Variants in ABCB6 observed in about 807,000 individuals in gnomAD.
ABCB6 encodes the protein ATP binding cassette subfamily B member 6 (LAN blood group), also known as ATP-binding cassette sub-family B member 6.
A neutral mutation model predicts 99.4 loss-of-function variants in ABCB6; 87 were observed. The observed-to-expected ratio is 0.88, with a 90% CI of 0.74 to 1.05. ABCB6 has a LOEUF of 1.05. Ranked by LOEUF, ABCB6 falls within the 50% of genes least tolerant of loss-of-function variation. The pLI is 0.00. For synonymous variants in ABCB6, 482 were observed against 447.5 expected, an observed-to-expected ratio of 1.08 and a Z score of -0.97; for missense variants, 1,050 against 1,097.9, an observed-to-expected ratio of 0.96 and a Z score of 0.62.
chr2:219,218,543 A>T lies in ABCB6; in HGVS notation c.131T>A (p.Leu44Ter). 6.2e-7 allele frequency: 1 copy of T among 1,611,952 alleles called. No individual in the cohort carries two copies. The highest frequency in any genetic ancestry group is 1.1e-5 in the South Asian group (1 of 90,970). ...STRMALGTLA[L>*]VLALPCRRRE... ...GCGTCTGCAGGGAAGAGCCAGCACC[A>T]AGGCCAGAGTCCCCAGAGCCATCCG... Residue 44 changes from leucine (L) to a stop codon, truncating the protein, a stop_gained, in exon 1 of 19, where the codon TTG becomes TAG. Coordinates refer to ENST00000265316, the MANE Select transcript of ABCB6 (RefSeq NM_005689.4). LOFTEE classifies it high-confidence loss of function.
In ABCB6 at chr2:219,213,310, C is replaced by T. The variant is rs397514758; in HGVS notation, c.1736G>A (p.Gly579Glu). 1 of 1,614,058 alleles carries T rather than the reference C, an allele frequency of 6.2e-7. No individual in the cohort carries two copies. Among genetic ancestry groups the T allele is most frequent in the Non-Finnish European group, 8.5e-7 (1 of 1,180,034 alleles). Residue 579 changes from glycine (G) to glutamate (E), a missense_variant, in exon 12 of 19, where the codon GGA becomes GAA. Physicochemically the swap from Gly to Glu is moderately conservative, Grantham distance 98 (BLOSUM62 -2). Transcript: ENST00000265316. ...KEETEVKDLP[G>E]AGPLRFQKGR... ...CTTCTGAAAGCGAAGGGGCCCTGCT[C>T]CAGGAAGGTCCTTCACCTGGAAGGG...
At chr2:219,211,764 A>ATTT (rs56903380) in intron 14 of ABCB6, among the ~76,000 whole-genome samples, 9 of 132,962 alleles carry the variant, frequency 6.8e-5, no homozygotes, top group East Asian at 2.2e-4. Context: ...TGGCCAGCTA[A>ATTT]TTTTTTTTTT....
chr2:219,212,918 C>CT, intron 13 of ABCB6, 90 bp downstream of exon 13: 4 of 1,440,660 alleles, frequency 2.8e-6, no homozygotes, highest in Non-Finnish European at 3.9e-6. Context: ...ACTGGGCTCT[C>CT]TGACTCCACA....
chr2:219,214,541 C>T, intron 6 of ABCB6, 43 bp from the exon 7 acceptor site: 2 of 1,419,452 alleles, frequency 1.4e-6, no homozygotes, highest in Non-Finnish European at 2.0e-6. Flanking sequence ...ACATCATCCC[C>T]AAAAGCAGAG....
chr2:219,210,485 G>C lies in ABCB6; in HGVS notation c.2257-10C>G. The C allele has an allele frequency of 6.2e-7, 1 of 1,613,414 alleles. No homozygotes were observed. The highest frequency in any genetic ancestry group is 8.5e-7 in the Non-Finnish European group (1 of 1,179,704). Reference sequence around the variant, plus strand: ...CCAGCGCTGACGTTGCCTATAGAGAGGGTCCAGGTAAAACTGCTCCTGCCA... The same window carrying C: ...CCAGCGCTGACGTTGCCTATAGAGACGGTCCAGGTAAAACTGCTCCTGCCA... On this transcript the variant is annotated splice_polypyrimidine_tract_variant and intron_variant, in intron 16 of 18. Coordinates refer to ENST00000265316, the MANE Select transcript of ABCB6 (RefSeq NM_005689.4).
Position 219,214,409 on chromosome 2 carries a change from A to G in ABCB6, c.1366T>C (p.Ser456Pro), listed in dbSNP as rs1404768194. The G allele has an allele frequency of 1.2e-6, 2 of 1,613,958 alleles. 1 individual carries two copies. Among genetic ancestry groups the G allele is most frequent in the Non-Finnish European group, 1.7e-6 (2 of 1,179,830 alleles). The change falls in exon 7 of 19, where the codon TCT (serine) becomes CCT (proline). Residue 456 changes from serine (S) to proline (P), a missense_variant. Ser to Pro is a moderately conservative substitution (Grantham distance 74). Transcript: ENST00000265316. ...ENATRARAVD[S>P]LLNFETVKYY... is the part of the protein sequence containing the mutation. Reference sequence around the variant, plus strand: ...GTTACCGTCTCGAAGTTTAGCAGAGAGTCCACTGCTCGTGCCCGGGTAGCG... The same window carrying G: ...GTTACCGTCTCGAAGTTTAGCAGAGGGTCCACTGCTCGTGCCCGGGTAGCG...
At chr2:219,211,137 T>C in intron 14 of ABCB6, 29 bp from the exon 15 acceptor site, 1 of 1,610,820 alleles carries the variant, frequency 6.2e-7, no homozygotes, top group South Asian at 1.1e-5. Context: ...ACACTCTGCC[T>C]TATGAGATAC....
chr2:219,214,968 A>G lies in ABCB6; in HGVS notation c.1269T>C (p.Leu423=). The change falls in exon 6 of 19, where the codon CTT becomes CTC. Residue 423 remains leucine (L), a synonymous_variant. Transcript: ENST00000265316. ...TCTCCCAGCAGCACTCACTGAGGTAAAGACTCATGCACAGGAACACAATGA... is the reference window on the plus strand; with the variant it reads ...TCTCCCAGCAGCACTCACTGAGGTAGAGACTCATGCACAGGAACACAATGA... ...FGLIVFLCMS[L]YLTLTIVVTE... The G allele has an allele frequency of 1.2e-6, 2 of 1,614,124 alleles. No homozygotes were observed. The highest frequency in any genetic ancestry group is 1.7e-6 in the Non-Finnish European group (2 of 1,180,014).
intron 2 of ABCB6, among the ~76,000 whole-genome samples, chr2:219,217,216 G>A (rs572929692): frequency 1.1e-4 from 16 of 152,158 alleles, no homozygotes; most frequent in East Asian, 9.7e-4. Flanking sequence ...AAAATTAGCC[G>A]GGTACACACC....
chr2:219,210,795 T>A lies in ABCB6; in HGVS notation c.2172A>T (p.Gly724=), dbSNP rs149020062. 9.9e-6 allele frequency: 16 copies of A among 1,613,584 alleles called. No homozygotes were observed. Among genetic ancestry groups the A allele is most frequent in the Non-Finnish European group, 1.3e-5 (15 of 1,179,982 alleles). The change falls in exon 16 of 19, where the codon GGA becomes GGT. Residue 724 remains glycine (G), a synonymous_variant. Transcript: ENST00000265316. ...EGYRTQVGER[G]LKLSGGEKQR... Reference sequence around the variant, plus strand: ...GCTTCTCCCCGCCGCTCAGCTTCAGTCCCCGCTCGCCCACCTGTGTCCTGT... The same window carrying A: ...GCTTCTCCCCGCCGCTCAGCTTCAGACCCCGCTCGCCCACCTGTGTCCTGT...
rs754794272 is a variant in ABCB6 at position 219,216,499 on chromosome 2, C to T, written c.869-34G>A. On this transcript the variant is annotated intron_variant, in intron 3 of 18. Coordinates refer to ENST00000265316, the MANE Select transcript of ABCB6 (RefSeq NM_005689.4). This position sits in a 1 kb window ranked among gnomAD's most constrained non-coding sequence, Gnocchi z 4.2. ...GAAACGAGTCAGAACCCACTTATGG[C>T]GCCCAGGACTCTCTTCAGGCAAAAT... 3.2e-5 allele frequency: 52 copies of T among 1,602,352 alleles called. No homozygotes were observed. The highest frequency in any genetic ancestry group is 5.5e-5 in the South Asian group (5 of 90,606).
At chr2:219,214,785 G>A in intron 6 of ABCB6, 176 bp downstream of exon 6, 1 of 726,130 alleles carries the variant, frequency 1.4e-6, no homozygotes, top group Non-Finnish European at 2.2e-6. Context: ...CCCTCAGCTA[G>A]GTTAAGGTTT....
Position 219,216,866 on chromosome 2 carries a change from G to A in ABCB6, c.688-34C>T, listed in dbSNP as rs772367675. 6.3e-7 allele frequency: 1 copy of A among 1,581,334 alleles called. No homozygotes were observed. On this transcript the variant is annotated intron_variant, in intron 2 of 18. Coordinates refer to ENST00000265316, the MANE Select transcript of ABCB6 (RefSeq NM_005689.4). The surrounding 1 kb of genome is among the most constrained non-coding windows in gnomAD (Gnocchi z 4.2). ...GTGAAACACGTAGGAAGGGAGCTCA[G>A]AAATCAAGTAAGTGCACTAGCCAGA...
intron 5 of ABCB6, 85 bp downstream of exon 5, chr2:219,215,912 G>C: frequency 2.2e-6 from 3 of 1,370,244 alleles, no homozygotes; most frequent in South Asian, 3.3e-5. Flanking sequence ...CTTCTCAGGC[G>C]GGGTCTGTTC....
At chr2:219,210,594 A>C in intron 16 of ABCB6, 117 bp downstream of exon 16, 2 of 1,591,170 alleles carry the variant, frequency 1.3e-6, no homozygotes, top group South Asian at 1.1e-5. Flanking sequence ...TGAGAACTGG[A>C]AAGTGTGTTT....
intron 5 of ABCB6, chr2:219,215,776 G>T: frequency 2.2e-6 from 1 of 449,502 alleles, no homozygotes. Flanking sequence ...TAAACAGAGT[G>T]GGAAGCTCTG....
At chr2:219,214,665 G>T in intron 6 of ABCB6, 167 bp from the exon 7 acceptor site, 1 of 645,628 alleles carries the variant, frequency 1.5e-6, no homozygotes, top group Non-Finnish European at 2.7e-6. Flanking sequence ...CTCATGTGTA[G>T]AAAACGCTTT....
At chr2:219,214,650 A>C (rs1348453902) in intron 6 of ABCB6, 152 bp from the exon 7 acceptor site, 13 of 659,522 alleles carry the variant, frequency 2.0e-5, no homozygotes, top group Non-Finnish European at 2.9e-5. Flanking sequence ...CAGCCTGCAC[A>C]AAGTCTCATG....
In ABCB6 at chr2:219,213,453, T is replaced by C. The variant is rs1336733870; in HGVS notation, c.1705A>G (p.Lys569Glu). 3 of 1,614,092 alleles carry C rather than the reference T, an allele frequency of 1.9e-6. No individual in the cohort carries two copies. The highest frequency in any genetic ancestry group is 2.7e-5 in the African/African-American group (2 of 74,922). Residue 569 changes from lysine (K) to glutamate (E), a missense_variant, in exon 11 of 19, where the codon AAA becomes GAA. Lys to Glu is a moderately conservative substitution (Grantham distance 56). Coordinates refer to ENST00000265316, the MANE Select transcript of ABCB6 (RefSeq NM_005689.4). Reference protein sequence around the residue: ...IDMENMFDLLKEETEVKDLPG... With the variant: ...IDMENMFDLLEEETEVKDLPG... ...CCTTCGCTCACTTCTGTCTCCTCTT[T>C]CAGCAAGTCAAACATGTTCTCCATG... is the stretch of plus-strand genomic sequence containing the variant.
Sources: gnomAD v4.1 joint callset for allele counts (sites outside exome capture counted in the v4.1 genomes callset) on GRCh38, gnomAD v4.1.1 for gene constraint, Gnocchi (gnomAD v3.1) non-coding constraint, MANE v1.5 for transcripts, NCBI Gene and HGNC (gene_info 2026-07-23, HGNC 2026-07-21) for gene names.